Variants in AGBL4 observed in about 807,000 individuals in gnomAD.
The protein encoded by AGBL4 is cytosolic carboxypeptidase 6.
In AGBL4, 58 loss-of-function variants were observed where a neutral mutation model predicts 66.4. The observed-to-expected ratio is 0.87, with a 90% CI of 0.71 to 1.09. AGBL4 has a LOEUF of 1.09. AGBL4 is among the 50% of genes least tolerant of loss of function. The pLI is 0.00. For missense variants in AGBL4, 579 were observed against 631.0 expected (o/e 0.92, Z 0.88); for synonymous variants, 234 against 222.9 (o/e 1.05, Z -0.44).
intron 3 of AGBL4, among the ~76,000 whole-genome samples, chr1:49,324,382 T>C (rs1277881930): frequency 6.6e-6 from 1 of 152,076 alleles, no homozygotes; most frequent in Non-Finnish European, 1.5e-5. Context: ...AGCTTGGCAC[T>C]CTCTCCAGCA....
intron 1 of AGBL4, among the ~76,000 whole-genome samples, chr1:49,974,538 C>T (rs192553743): frequency 3.0e-4 from 45 of 152,236 alleles, no homozygotes; most frequent in African/African-American, 1.1e-3. Flanking sequence ...TTTCTTAGCA[C>T]TGCATTTTTA....
intron 2 of AGBL4, among the ~76,000 whole-genome samples, chr1:49,831,197 G>T (rs1645664648): frequency 1.3e-5 from 2 of 152,132 alleles, no homozygotes; most frequent in Admixed American, 1.3e-4. Context: ...ATTACTTTGG[G>T]CAGTATGGCC....
chr1:49,957,138 A>T (rs1194581358), intron 1 of AGBL4, among the ~76,000 whole-genome samples: 3 of 152,036 alleles, frequency 2.0e-5, no homozygotes, highest in Non-Finnish European at 2.9e-5. Flanking sequence ...GAATGGGCAC[A>T]GTGGAAATAA....
intron 9 of AGBL4, among the ~76,000 whole-genome samples, chr1:48,631,514 C>A (rs1426247382): frequency 6.6e-6 from 1 of 152,170 alleles, no homozygotes; most frequent in Admixed American, 6.5e-5. Context: ...CCTCAGCCTC[C>A]TGAGTAGCTG....
At chr1:49,333,006 C>T (rs975234898) in intron 3 of AGBL4, among the ~76,000 whole-genome samples, 1 of 152,156 alleles carries the variant, frequency 6.6e-6, no homozygotes, top group African/African-American at 2.4e-5. Flanking sequence ...TTGCATTTCT[C>T]TAACCACAAG....
chr1:49,082,446 G>T (rs1339346720), intron 4 of AGBL4, among the ~76,000 whole-genome samples: 3 of 152,190 alleles, frequency 2.0e-5, no homozygotes, highest in Non-Finnish European at 4.4e-5. Flanking sequence ...ATGGTGAAAG[G>T]TGAAGAAGGG....
intron 3 of AGBL4, among the ~76,000 whole-genome samples, chr1:49,424,595 A>C (rs943519760): frequency 6.6e-6 from 1 of 152,194 alleles, no homozygotes; most frequent in African/African-American, 2.4e-5. Context: ...TATACAACGA[A>C]ATGTGTGAGG....
chr1:49,638,582 A>C (rs1207591915), intron 3 of AGBL4, among the ~76,000 whole-genome samples: 1 of 152,146 alleles, frequency 6.6e-6, no homozygotes, highest in Admixed American at 6.6e-5. Flanking sequence ...GAGGTAATTG[A>C]ATCATGGGTT....
chr1:49,174,593 G>A (rs544919151), intron 4 of AGBL4, among the ~76,000 whole-genome samples: 3 of 152,146 alleles, frequency 2.0e-5, no homozygotes, highest in South Asian at 4.2e-4. Flanking sequence ...AGCCAACAGA[G>A]AATGTATATT....
intron 3 of AGBL4, among the ~76,000 whole-genome samples, chr1:49,576,933 A>C (rs1435682329): frequency 6.6e-6 from 1 of 152,232 alleles, no homozygotes; most frequent in Non-Finnish European, 1.5e-5. Context: ...ACAGTGGTGA[A>C]GGGAAATCTT....
intron 2 of AGBL4, among the ~76,000 whole-genome samples, chr1:49,743,293 C>G (rs184440125): frequency 6.6e-6 from 1 of 152,224 alleles, no homozygotes; most frequent in African/African-American, 2.4e-5. Context: ...CCAACAGACA[C>G]ATGAAAAAAT....
rs148512194 is a variant in AGBL4 at position 49,388,785 on chromosome 1, T to C, written c.283-142921A>G. Among the ~76,000 whole-genome samples, 53 of 152,216 alleles carry C rather than the reference T, an allele frequency of 3.5e-4. 1 individual carries two copies. The highest frequency in any genetic ancestry group is 1.2e-3 in the African/African-American group (51 of 41,566). ...CTGTAAAACAATCTGGGTTCCCTAC[T>C]AGTGAGTGCCTCATCACCAGATGCA... On this transcript the variant is annotated intron_variant, in intron 3 of 13. Transcript: ENST00000371839.
At chr1:48,710,699 A>C (rs548266771) in intron 6 of AGBL4, among the ~76,000 whole-genome samples, 1 of 152,174 alleles carries the variant, frequency 6.6e-6, no homozygotes, top group Non-Finnish European at 1.5e-5. Flanking sequence ...GTGTGGAGGC[A>C]GGGAAACCAG....
intron 3 of AGBL4, among the ~76,000 whole-genome samples, chr1:49,366,066 C>T (rs941510900): frequency 1.3e-5 from 2 of 152,140 alleles, no homozygotes; most frequent in Admixed American, 6.6e-5. Flanking sequence ...TCCTACATCC[C>T]TACTTCCTTC....
chr1:49,026,631 C>A (rs191144748), intron 5 of AGBL4, among the ~76,000 whole-genome samples: 19 of 152,298 alleles, frequency 1.2e-4, no homozygotes, highest in Non-Finnish European at 2.1e-4. Context: ...TTGAATTAGG[C>A]ATGGTCCCTG....
chr1:49,564,673 A>G (rs1319275309), intron 3 of AGBL4, among the ~76,000 whole-genome samples: 1 of 152,146 alleles, frequency 6.6e-6, no homozygotes. Flanking sequence ...TCTGAGAGAC[A>G]GTTTGTTATA....
intron 2 of AGBL4, among the ~76,000 whole-genome samples, chr1:49,817,359 C>G (rs1645257326): frequency 6.6e-6 from 1 of 152,118 alleles, no homozygotes; most frequent in Non-Finnish European, 1.5e-5. Flanking sequence ...AAGAGATTGC[C>G]TAATAAGTTT....
intron 2 of AGBL4, among the ~76,000 whole-genome samples, chr1:49,750,286 G>A (rs1274203009): frequency 2.0e-5 from 3 of 151,462 alleles, no homozygotes. Flanking sequence ...GTGTAGGGAA[G>A]GGGGTCCAGT....
At chr1:49,702,839 A>G (rs1647125346) in intron 2 of AGBL4, among the ~76,000 whole-genome samples, 1 of 152,168 alleles carries the variant, frequency 6.6e-6, no homozygotes, top group African/African-American at 2.4e-5. Flanking sequence ...AATAAAGACC[A>G]AAAACACAAG....
Sources: gnomAD v4.1 joint callset for allele counts (sites outside exome capture counted in the v4.1 genomes callset) on GRCh38, gnomAD v4.1.1 for gene constraint, MANE v1.5 for transcripts, NCBI Gene and HGNC (gene_info 2026-07-23, HGNC 2026-07-21) for gene names.